The following MED16 variants were observed in gnomAD, a reference collection of about 807,000 sequenced individuals.
MED16 encodes mediator of RNA polymerase II transcription subunit 16.
In MED16, 81 loss-of-function variants were observed where a neutral mutation model predicts 84.4. The ratio of observed to expected loss-of-function variants is 0.96; its 90% CI spans 0.80 to 1.15. The LOEUF (loss-of-function observed/expected upper bound fraction) is 1.15, where lower values mean the gene tolerates loss of function less well. MED16 is among the 50% of genes most tolerant of loss of function. The pLI, the probability that MED16 is intolerant of heterozygous loss-of-function variation, is 0.00. For synonymous variants in MED16, 897 were observed against 552.2 expected (o/e 1.62, Z -8.76); for missense variants, 1,585 against 1,245.9 (o/e 1.27, Z -4.10).
chr19:884,185 C>G (rs1379589978), intron 6 of MED16, among the ~76,000 whole-genome samples: 1 of 152,208 alleles, frequency 6.6e-6, no homozygotes, highest in Non-Finnish European at 1.5e-5. Context: ...GGGAAAACAT[C>G]TCCCTTCTCC....
chr19:872,163 A>T, intron 11 of MED16, 45 bp from the exon 12 acceptor site: 5 of 1,534,944 alleles, frequency 3.3e-6, no homozygotes, highest in Non-Finnish European at 2.7e-6. Context: ...CGGGGGGCAG[A>T]TGGCGATGGG....
chr19:885,734 G>A, intron 5 of MED16, 36 bp downstream of exon 5: 1 of 1,590,524 alleles, frequency 6.3e-7, no homozygotes, highest in Non-Finnish European at 8.5e-7. Context: ...TTCATTCCAA[G>A]CCTGCCAGCC....
In MED16 at chr19:886,020, C is replaced by T. The variant is rs376557186; in HGVS notation, c.629G>A (p.Arg210His). The T allele has an allele frequency of 6.2e-6, 10 of 1,600,800 alleles. No individual in the cohort carries two copies. Among genetic ancestry groups the T allele is most frequent in the South Asian group, 1.1e-5 (1 of 90,680 alleles). The stretch of plus-strand genomic sequence containing the variant: ...GATGTCGGCCAGGGCCACGCGGCCG[C>T]GCAGCCGGCACAGGCTCTCGGTGGA... ...LTSTESLCRLRGRVALADIAF... is the reference protein window; with the variant it reads ...LTSTESLCRLHGRVALADIAF... Residue 210 changes from arginine to histidine, a missense_variant, in exon 5 of 16, where the codon CGC becomes CAC. Transcript: ENST00000325464.
intron 8 of MED16, 91 bp from the exon 9 acceptor site, chr19:877,271 T>C: frequency 2.5e-6 from 3 of 1,218,380 alleles, no homozygotes; most frequent in Non-Finnish European, 3.5e-6. Flanking sequence ...GCGGCACGTG[T>C]GTGGATCTGT....
At chr19:869,106 A>G (rs902965157) in intron 13 of MED16, among the ~76,000 whole-genome samples, 160 bp from the exon 14 acceptor site, 2 of 151,880 alleles carry the variant, frequency 1.3e-5, no homozygotes, top group African/African-American at 2.4e-5. Flanking sequence ...GAGGTGCGGG[A>G]CCACCTGAGA....
chr19:884,954 G>A lies in MED16; in HGVS notation c.934C>T (p.Arg312Cys). 6.2e-7 allele frequency: 1 copy of A among 1,609,236 alleles called. No homozygotes were observed. Among genetic ancestry groups the A allele is most frequent in the Non-Finnish European group, 8.5e-7 (1 of 1,179,284 alleles). Residue 312 changes from arginine (R) to cysteine (C), a missense_variant, in exon 6 of 16, where the codon CGC becomes TGC. By Grantham distance (180) the Arg-to-Cys change is radical. Transcript: ENST00000325464. ...TSSIVECWSL[R>C]KEGLPVNNIF... ...TTGTTCACGGGGAGTCCCTCCTTGCGCAGGGACCAGCACTCCACGATGCTG... is the reference window on the plus strand; with the variant it reads ...TTGTTCACGGGGAGTCCCTCCTTGCACAGGGACCAGCACTCCACGATGCTG...
chr19:881,090 G>C (rs947369267), intron 7 of MED16, among the ~76,000 whole-genome samples: 1 of 152,096 alleles, frequency 6.6e-6, no homozygotes, highest in Non-Finnish European at 1.5e-5. Flanking sequence ...AGGGAAGAAC[G>C]GGAGCTGGGG....
chr19:884,972 C>T lies in MED16; in HGVS notation c.916G>A (p.Val306Met), dbSNP rs758075353. 6.2e-6 allele frequency: 10 copies of T among 1,608,130 alleles called. No individual in the cohort carries two copies. Among genetic ancestry groups the T allele is most frequent in the East Asian group, 2.2e-5 (1 of 44,808 alleles). ...LCASSQTSSI[V>M]ECWSLRKEGL... is the part of the protein sequence containing the mutation. Reference sequence around the variant, plus strand: ...TCCTTGCGCAGGGACCAGCACTCCACGATGCTGCTGGTCTGGCTGGACGCG... The same window carrying T: ...TCCTTGCGCAGGGACCAGCACTCCATGATGCTGCTGGTCTGGCTGGACGCG... The change falls in exon 6 of 16, where the codon GTG (valine) becomes ATG (methionine). Residue 306 changes from valine (V) to methionine (M), a missense_variant. Physicochemically the swap from Val to Met is conservative, Grantham distance 21. Coordinates refer to ENST00000325464, the MANE Select transcript of MED16 (RefSeq NM_005481.3).
At chr19:888,858 A>T (rs1462026435) in intron 4 of MED16, among the ~76,000 whole-genome samples, 1 of 152,176 alleles carries the variant, frequency 6.6e-6, no homozygotes, top group Non-Finnish European at 1.5e-5. Context: ...TCCCTCCAGG[A>T]AGGCCTCCTA....
At chr19:880,925 A>T (rs1444831283) in intron 7 of MED16, among the ~76,000 whole-genome samples, 1 of 146,648 alleles carries the variant, frequency 6.8e-6, no homozygotes. Context: ...ACTCCAACTC[A>T]AAAAAAAAAA....
At position 890,942 on chromosome 19, in the gene MED16, G is replaced by T. The variant is rs747481334; in HGVS notation, c.169+21C>A. ...GGACACCATGCGGCCGGGAGGGGAA[G>T]CAGGTGGGAGGGGGACGCACCCTGG... On this transcript the variant is annotated intron_variant, in intron 2 of 15. Coordinates refer to ENST00000325464, the MANE Select transcript of MED16 (RefSeq NM_005481.3). 6.2e-6 allele frequency: 10 copies of T among 1,607,882 alleles called. No individual in the cohort carries two copies. In the Admixed American group the frequency reaches 1.5e-4, roughly 24 times the overall value.
Position 880,065 on chromosome 19 carries a change from C to T in MED16, c.1225G>A (p.Ala409Thr), listed in dbSNP as rs148290750. The T allele has an allele frequency of 5.0e-5, 81 of 1,611,098 alleles. No individual in the cohort carries two copies. Among genetic ancestry groups the T allele is most frequent in the Non-Finnish European group, 6.4e-5 (75 of 1,179,398 alleles). ...GGCTCATCCACAGGCCTCGGGGCCG[C>T]GGAGCTGTAGAAGACGGCCATGGTC... is the stretch of plus-strand genomic sequence containing the variant. ...LQTMAVFYSS[A>T]APRPVDEPAM... Residue 409 changes from alanine (A) to threonine (T), a missense_variant, in exon 8 of 16, where the codon GCG becomes ACG. Transcript: ENST00000325464.
intron 1 of MED16, among the ~76,000 whole-genome samples, chr19:891,931 T>C (rs113315843): frequency 0.012 from 931 of 78,870 alleles, 8 homozygotes; most frequent in African/African-American, 0.023. Context: ...CTGAGTGTGA[T>C]GGGGAACACC....
At chr19:870,980 G>T in intron 13 of MED16, 57 bp downstream of exon 13, 1 of 1,477,880 alleles carries the variant, frequency 6.8e-7, no homozygotes, top group Non-Finnish European at 9.1e-7. Context: ...GGGGTCCCGG[G>T]GCAGGACACG....
Position 868,540 on chromosome 19 carries a change from C to T in MED16, c.2400-41G>A, listed in dbSNP as rs112560510. 2.4e-3 allele frequency: 3,899 copies of T among 1,601,976 alleles called. 11 individuals carry two copies. The highest frequency in any genetic ancestry group is 2.8e-3 in the Non-Finnish European group (3,270 of 1,178,742). On this transcript the variant is annotated intron_variant, in intron 14 of 15. Coordinates refer to ENST00000325464, the MANE Select transcript of MED16 (RefSeq NM_005481.3). ...CACTGAGCGGGTTCCCACTTCCAGG[C>T]GGGCCTCCCTTACGCCTGCCCCACT...
At chr19:868,709 G>C (rs1341104310) in intron 14 of MED16, among the ~76,000 whole-genome samples, 154 bp downstream of exon 14, 2 of 152,186 alleles carry the variant, frequency 1.3e-5, no homozygotes, top group Admixed American at 6.6e-5. Flanking sequence ...CAAGTTAACT[G>C]CTCCACATCC....
chr19:880,577 A>G (rs1329357017), intron 7 of MED16, among the ~76,000 whole-genome samples: 1 of 152,218 alleles, frequency 6.6e-6, no homozygotes, highest in African/African-American at 2.4e-5. Flanking sequence ...GGTGGGGTCC[A>G]GAGCCCAAAG....
chr19:889,959 C>A lies in MED16; in HGVS notation c.278-152G>T, dbSNP rs146130229. 129 of 923,154 alleles carry A rather than the reference C, an allele frequency of 1.4e-4. No homozygotes were observed. The Middle Eastern group carries it at 3.1e-3, about 22-fold the overall frequency. The allele number at this position is 923,154 out of a possible 1,614,324, so 57.2% of individuals were successfully genotyped here. A position where few individuals can be genotyped will look rare whatever the true frequency, so the allele number is the denominator to read the frequency against. ...TGGCACAAGGCGCACTCCAGAGATG[C>A]CCTGAGACACCCTGAACAAGAATGA... is the stretch of plus-strand genomic sequence containing the variant. On this transcript the variant is annotated intron_variant, in intron 3 of 15. Coordinates refer to ENST00000325464, the MANE Select transcript of MED16 (RefSeq NM_005481.3).
rs370975859 is a variant in MED16 at position 885,020 on chromosome 19, G to A, written c.880-12C>T. The A allele has an allele frequency of 3.4e-5, 54 of 1,581,842 alleles. No individual in the cohort carries two copies. The highest frequency in any genetic ancestry group is 7.0e-5 in the Admixed American group (4 of 56,846). ...GCGCACAAAAGCACCTGCGGGGGAG[G>A]TGGGGGTGAGGGCTGACCCGGCACT... On this transcript the variant is annotated splice_polypyrimidine_tract_variant and intron_variant, in intron 5 of 15. Transcript: ENST00000325464.
Sources: allele counts gnomAD v4.1 joint callset (sites outside exome capture counted in the v4.1 genomes callset), GRCh38; gene constraint gnomAD v4.1.1; transcripts MANE v1.5; gene names NCBI Gene and HGNC (gene_info 2026-07-23, HGNC 2026-07-21).